Variants in DNAH14 observed in about 807,000 individuals in gnomAD.
DNAH14 encodes the protein axonemal beta dynein heavy chain 14.
A neutral mutation model predicts 520.9 loss-of-function variants in DNAH14; 478 were observed. The ratio of observed to expected loss-of-function variants is 0.92; its 90% CI spans 0.85 to 0.99. DNAH14 has a LOEUF of 0.99. DNAH14 is among the 50% of genes least tolerant of loss of function. The pLI is 0.00. For missense variants in DNAH14, 4,831 were observed against 5,234.5 expected, an observed-to-expected ratio of 0.92 and a Z score of 2.38; for synonymous variants, 1,581 against 1,757.2, an observed-to-expected ratio of 0.90 and a Z score of 2.51.
chr1:225,261,510 TA>T (rs1209286651), intron 46 of DNAH14, among the ~76,000 whole-genome samples: 1 of 152,184 alleles, frequency 6.6e-6, no homozygotes, highest in African/African-American at 2.4e-5. Context: ...TCATGGTGAA[TA>T]ATCCTTTTAA....
At chr1:224,995,891 T>G (rs1269139091) in intron 8 of DNAH14, among the ~76,000 whole-genome samples, 3 of 152,080 alleles carry the variant, frequency 2.0e-5, no homozygotes, top group Non-Finnish European at 4.4e-5. Flanking sequence ...GTATTTTGCT[T>G]CTTTTATTAT....
At chr1:225,315,923 A>C (rs914753459) in intron 60 of DNAH14, among the ~76,000 whole-genome samples, 1 of 152,202 alleles carries the variant, frequency 6.6e-6, no homozygotes, top group Non-Finnish European at 1.5e-5. Flanking sequence ...CACTTGAGGC[A>C]GTCTGTCCCT....
intron 10 of DNAH14, among the ~76,000 whole-genome samples, chr1:225,013,582 C>T (rs530658046): frequency 3.5e-4 from 53 of 152,290 alleles, no homozygotes; most frequent in African/African-American, 1.3e-3. Context: ...GTGCTCTGTG[C>T]CAAGGAGATG....
At chr1:225,050,740 G>C (rs945983213) in intron 16 of DNAH14, among the ~76,000 whole-genome samples, 9 of 152,154 alleles carry the variant, frequency 5.9e-5, no homozygotes, top group African/African-American at 2.2e-4. Context: ...TATCTAAATA[G>C]TTACGTCTTT....
intron 17 of DNAH14, among the ~76,000 whole-genome samples, chr1:225,053,308 G>T (rs1315083388): frequency 6.6e-6 from 1 of 152,098 alleles, no homozygotes; most frequent in Admixed American, 6.6e-5. Flanking sequence ...ACCTGAAGAA[G>T]ACCTGAATGA....
Position 225,300,959 on chromosome 1 carries a change from A to T in DNAH14, c.8560A>T (p.Lys2854Ter). The change falls in exon 56 of 86, where the codon AAA becomes TAA. Residue 2854 changes from lysine (K) to a stop codon, truncating the protein, a stop_gained. Transcript: ENST00000682510. LOFTEE classifies it high-confidence loss of function. ...TGTTGAGCTGGATTCTATTGCAATG[A>T]AAATCAGATATCTTACTGAACAATC... ...ENVELDSIAM[K>*]IRYLTEQSGH... The T allele has an allele frequency of 6.4e-7, 1 of 1,551,458 alleles. No individual in the cohort carries two copies. The highest frequency in any genetic ancestry group is 2.0e-5 in the Admixed American group (1 of 51,002).
At chr1:225,189,598 G>T (rs567123996) in intron 37 of DNAH14, among the ~76,000 whole-genome samples, 1 of 151,564 alleles carries the variant, frequency 6.6e-6, no homozygotes, top group Non-Finnish European at 1.5e-5. Flanking sequence ...TTGGTAATTT[G>T]TGTGTTTTTA....
intron 3 of DNAH14, among the ~76,000 whole-genome samples, chr1:224,955,437 T>A (rs2060450276): frequency 6.6e-6 from 1 of 152,158 alleles, no homozygotes; most frequent in Non-Finnish European, 1.5e-5. Context: ...TTCTCCTAAG[T>A]CCCCAGTGCC....
chr1:225,131,767 G>A (rs2078449424), intron 27 of DNAH14, among the ~76,000 whole-genome samples: 2 of 152,148 alleles, frequency 1.3e-5, no homozygotes, highest in Non-Finnish European at 2.9e-5. Flanking sequence ...GGGAAAACTA[G>A]GAAGTTGTGA....
At chr1:225,083,066 G>A (rs763477236) in intron 20 of DNAH14, among the ~76,000 whole-genome samples, 1 of 151,964 alleles carries the variant, frequency 6.6e-6, no homozygotes, top group Non-Finnish European at 1.5e-5. Context: ...CAAAACTATT[G>A]TATTCATTAT....
chr1:225,398,806 C>T, intron 85 of DNAH14, 140 bp downstream of exon 85: 1 of 1,241,896 alleles, frequency 8.1e-7, no homozygotes, highest in Non-Finnish European at 1.1e-6. Flanking sequence ...TTTTAAATCT[C>T]CCAAAATATT....
chr1:224,988,494 A>G (rs1383739569), intron 8 of DNAH14, among the ~76,000 whole-genome samples: 1 of 152,222 alleles, frequency 6.6e-6, no homozygotes, highest in Non-Finnish European at 1.5e-5. Flanking sequence ...CTGTGGGGAA[A>G]TAAGAACACT....
chr1:225,134,704 C>T (rs1056885396), intron 27 of DNAH14, among the ~76,000 whole-genome samples: 19 of 152,118 alleles, frequency 1.2e-4, no homozygotes, highest in African/African-American at 4.6e-4. Context: ...TGTATCTCTG[C>T]CAGGTTTTGG....
At chr1:224,973,904 CT>C (rs988260490) in intron 7 of DNAH14, among the ~76,000 whole-genome samples, 186 bp from the exon 8 acceptor site, 79 of 152,158 alleles carry the variant, frequency 5.2e-4, no homozygotes, top group African/African-American at 1.8e-3. Context: ...TTACATTTAC[CT>C]TTTGCTCTAT....
chr1:225,343,349 C>A (rs1216139951), intron 69 of DNAH14, among the ~76,000 whole-genome samples: 1 of 152,138 alleles, frequency 6.6e-6, no homozygotes, highest in African/African-American at 2.4e-5. Flanking sequence ...ATGATTAAGA[C>A]CTTACGAGAC....
chr1:225,370,002 A>G lies in DNAH14; in HGVS notation c.12318+1970A>G, dbSNP rs143148997. 1.4e-3 allele frequency among the ~76,000 whole-genome samples: 213 copies of G among 152,230 alleles called. No homozygotes were observed. In the Middle Eastern group the frequency reaches 0.024, roughly 17 times the overall value. ...GGAGTTCAAGACCAGCCTGGCCAAC[A>G]TGATGAAACCTGCACGGTGGCTCAC... On this transcript the variant is annotated intron_variant, in intron 77 of 85. Transcript: ENST00000682510.
chr1:225,319,815 A>G (rs2094528738), intron 61 of DNAH14, among the ~76,000 whole-genome samples: 1 of 152,168 alleles, frequency 6.6e-6, no homozygotes, highest in South Asian at 2.1e-4. Flanking sequence ...ATTTGGAAGT[A>G]AGCTAGGCAG....
At chr1:225,178,515 C>T (rs758628655) in intron 36 of DNAH14, among the ~76,000 whole-genome samples, 5 of 152,148 alleles carry the variant, frequency 3.3e-5, no homozygotes, top group African/African-American at 1.2e-4. Flanking sequence ...CTGGGAGATA[C>T]AATTCAAGTT....
At chr1:225,116,864 A>G (rs559585664) in intron 23 of DNAH14, among the ~76,000 whole-genome samples, 1 of 152,318 alleles carries the variant, frequency 6.6e-6, no homozygotes, top group South Asian at 2.1e-4. Flanking sequence ...TAAATTTGGT[A>G]ATAGTCAGGG....
Sources: gnomAD v4.1 joint callset for allele counts (sites outside exome capture counted in the v4.1 genomes callset) on GRCh38, gnomAD v4.1.1 for gene constraint, MANE v1.5 for transcripts, NCBI Gene and HGNC (gene_info 2026-07-23, HGNC 2026-07-21) for gene names.